Variants in RASA1 observed in about 807,000 individuals in gnomAD.
RASA1 encodes the protein RAS p21 protein activator 1.
A neutral mutation model predicts 132.2 loss-of-function variants in RASA1; 25 were observed. The ratio of observed to expected loss-of-function variants is 0.19; its 90% CI spans 0.14 to 0.26. The LOEUF is 0.26. Among genes scored for constraint, RASA1 ranks in the 10% least tolerant of loss-of-function variants. The pLI, the probability that RASA1 is intolerant of heterozygous loss-of-function variation, is 1.00. For missense variants in RASA1, 964 were observed against 1,299.2 expected (o/e 0.74, Z 3.97); for synonymous variants, 477 against 449.9 (o/e 1.06, Z -0.76).
intron 1 of RASA1, among the ~76,000 whole-genome samples, chr5:87,321,616 T>TGGCAAGGTCTGGATGCCATAG (rs1328348595): frequency 6.6e-6 from 1 of 152,256 alleles, no homozygotes. Flanking sequence ...AACAGCCATA[T>TGGCAAGGTCTGGATGCCATAG]GGCAAGGTCT....
chr5:87,288,218 G>T (rs905568744), intron 1 of RASA1, among the ~76,000 whole-genome samples: 1 of 148,912 alleles, frequency 6.7e-6, no homozygotes, highest in African/African-American at 2.5e-5. Context: ...GCAATTTTAT[G>T]CCTCTCCATT....
intron 11 of RASA1, 84 bp from the exon 12 acceptor site, chr5:87,369,729 T>A (rs1760790600): frequency 1.2e-6 from 1 of 844,904 alleles, no homozygotes; most frequent in Admixed American, 2.1e-5. Context: ...TGTTAATTAT[T>A]TATTGTGAGT....
chr5:87,337,484 A>C (rs1162384214), intron 4 of RASA1, among the ~76,000 whole-genome samples: 1 of 152,072 alleles, frequency 6.6e-6, no homozygotes, highest in African/African-American at 2.4e-5. Flanking sequence ...CATCTACATC[A>C]TGCTTATCTA....
chr5:87,319,290 G>A (rs1339407744), intron 1 of RASA1, among the ~76,000 whole-genome samples: 1 of 152,206 alleles, frequency 6.6e-6, no homozygotes, highest in Admixed American at 6.5e-5. Flanking sequence ...GCTCCATTAG[G>A]CAGTGCCCTA....
intron 1 of RASA1, chr5:87,294,359 C>G (rs1019814831): frequency 4.6e-5 from 7 of 152,132 alleles, no homozygotes; most frequent in African/African-American, 1.7e-4. Flanking sequence ...CCAAACTAAT[C>G]GTGGAGGTTT....
At chr5:87,301,898 G>C (rs781533253) in intron 1 of RASA1, among the ~76,000 whole-genome samples, 6 of 152,094 alleles carry the variant, frequency 3.9e-5, no homozygotes, top group Non-Finnish European at 5.9e-5. Context: ...TCCATTGCTT[G>C]TGTTACATTG....
At chr5:87,272,147 TAA>T (rs565510396) in intron 1 of RASA1, among the ~76,000 whole-genome samples, 3 of 135,066 alleles carry the variant, frequency 2.2e-5, no homozygotes, top group Non-Finnish European at 1.6e-5. Flanking sequence ...AAACCCTGTC[TAA>T]AAAAAAAAAA....
intron 8 of RASA1, among the ~76,000 whole-genome samples, chr5:87,352,485 A>G (rs1161975081): frequency 6.6e-6 from 1 of 151,796 alleles, no homozygotes; most frequent in Non-Finnish European, 1.5e-5. Context: ...TTATAGAGAA[A>G]CAACTTTATA....
intron 1 of RASA1, 80 bp from the exon 2 acceptor site, chr5:87,331,268 T>C: frequency 7.2e-7 from 1 of 1,380,740 alleles, no homozygotes; most frequent in Non-Finnish European, 1.0e-6. Context: ...TTAAAACCTC[T>C]AGTAGTATGT....
intron 14 of RASA1, among the ~76,000 whole-genome samples, chr5:87,374,572 C>A (rs1761191909): frequency 6.6e-6 from 1 of 151,086 alleles, no homozygotes; most frequent in African/African-American, 2.4e-5. Flanking sequence ...ATTTACTAAC[C>A]CACAAATACA....
intron 1 of RASA1, among the ~76,000 whole-genome samples, chr5:87,305,797 A>T (rs1755581167): frequency 6.6e-6 from 1 of 152,164 alleles, no homozygotes; most frequent in African/African-American, 2.4e-5. Flanking sequence ...GAGGAAAAGA[A>T]TCCATTAAAA....
At position 87,347,767 on chromosome 5, in the gene RASA1, T is replaced by G. The variant is rs115621319; in HGVS notation, c.1102+1043T>G. Among the ~76,000 whole-genome samples, 706 of 152,088 alleles carry G rather than the reference T, an allele frequency of 4.6e-3. 6 individuals carry two copies. Among genetic ancestry groups the G allele is most frequent in the African/African-American group, 0.016 (645 of 41,572 alleles). ...TATATGATAGTAATAGAGAAGAAATTTTAAACTAAAATGACATTCTGTCAG... is the reference window on the plus strand; with the variant it reads ...TATATGATAGTAATAGAGAAGAAATGTTAAACTAAAATGACATTCTGTCAG... On this transcript the variant is annotated intron_variant, in intron 7 of 24. Transcript: ENST00000274376.
chr5:87,331,791 GA>G (rs1265688033), intron 2 of RASA1, among the ~76,000 whole-genome samples: 3 of 152,000 alleles, frequency 2.0e-5, no homozygotes, highest in African/African-American at 7.2e-5. Flanking sequence ...TAAAATAAAG[GA>G]ATTGTATACT....
rs1426672910 is a variant in RASA1, at chr5:87,317,920, G to A, written c.540-13428G>A. On this transcript the variant is annotated intron_variant, in intron 1 of 24. Coordinates refer to ENST00000274376, the MANE Select transcript of RASA1 (RefSeq NM_002890.3). ...CAAATTTCTATAATTACAGGCTTGA[G>A]CCACCGCGCCCAGCCGTTTTTCTCA... is the stretch of plus-strand genomic sequence containing the variant. 2.0e-5 allele frequency among the ~76,000 whole-genome samples: 3 copies of A among 152,078 alleles called. No individual in the cohort carries two copies. The South Asian group carries it at 6.2e-4, about 31-fold the overall frequency.
chr5:87,350,825 T>A (rs1229365139), intron 8 of RASA1, among the ~76,000 whole-genome samples: 2 of 151,748 alleles, frequency 1.3e-5, no homozygotes, highest in Non-Finnish European at 3.0e-5. Flanking sequence ...TAAATTCATC[T>A]TATTGTTTCT....
At position 87,390,783 on chromosome 5, in the gene RASA1, A is replaced by G; in HGVS notation, c.3061-17A>G. ...CCGAGCTTTCATTTATTTTCATACC[A>G]TTTTTCCTCTGTCTAGCACGTATTG... On this transcript the variant is annotated splice_polypyrimidine_tract_variant and intron_variant, in intron 24 of 24. Coordinates refer to ENST00000274376, the MANE Select transcript of RASA1 (RefSeq NM_002890.3). The G allele has an allele frequency of 1.9e-6, 3 of 1,597,940 alleles. No individual in the cohort carries two copies. Among genetic ancestry groups the G allele is most frequent in the Non-Finnish European group, 2.6e-6 (3 of 1,165,620 alleles).
intron 6 of RASA1, among the ~76,000 whole-genome samples, chr5:87,342,883 G>C (rs138318520): frequency 6.6e-6 from 1 of 152,102 alleles, no homozygotes; most frequent in Non-Finnish European, 1.5e-5. Context: ...AAAAATATAG[G>C]TTAAATGCTA....
chr5:87,384,020 C>CTT (rs1761905754), intron 21 of RASA1, among the ~76,000 whole-genome samples: 1 of 151,932 alleles, frequency 6.6e-6, no homozygotes, highest in African/African-American at 2.4e-5. Flanking sequence ...CACATTCCAC[C>CTT]TTTTTTCTAC....
At chr5:87,269,283 T>C (rs1471928323) in intron 1 of RASA1, 2 of 1,536,576 alleles carry the variant, frequency 1.3e-6, no homozygotes, top group South Asian at 2.4e-5. Flanking sequence ...CCCTTCCAAG[T>C]TGAGGTGGTG....
Sources: allele counts gnomAD v4.1 joint callset (sites outside exome capture counted in the v4.1 genomes callset), GRCh38; gene constraint gnomAD v4.1.1; transcripts MANE v1.5; gene names NCBI Gene and HGNC (gene_info 2026-07-23, HGNC 2026-07-21).